Variants in ABCA13 observed in about 807,000 individuals in gnomAD.
ABCA13 encodes the protein ATP-binding cassette sub-family A member 13.
In ABCA13, 476 loss-of-function variants were observed where a neutral mutation model predicts 478.7. That is an observed-to-expected ratio of 0.99 (90% CI 0.92 to 1.07). The LOEUF is 1.07. ABCA13 is among the 50% of genes least tolerant of loss of function. The pLI is 0.00. For missense variants in ABCA13, 6,060 were observed against 5,910.6 expected (o/e 1.03, Z -0.83); for synonymous variants, 2,252 against 2,158.9 (o/e 1.04, Z -1.20).
rs569640517 is a variant in ABCA13 at position 48,261,956 on chromosome 7, G to T, written c.2006-7024G>T. ...CGGGCAGTAAGCCAATCTCCCATAAGATGATTCTCAGTTATTGGCATAGTT... is the reference window on the plus strand; with the variant it reads ...CGGGCAGTAAGCCAATCTCCCATAATATGATTCTCAGTTATTGGCATAGTT... On this transcript the variant is annotated intron_variant, in intron 15 of 61. Coordinates refer to ENST00000435803, the MANE Select transcript of ABCA13 (RefSeq NM_152701.5). 1.2e-3 allele frequency among the ~76,000 whole-genome samples: 189 copies of T among 152,024 alleles called. 1 individual carries two copies. The highest frequency in any genetic ancestry group is 4.5e-3 in the African/African-American group (186 of 41,534).
In ABCA13 at chr7:48,647,158, T is replaced by A. The variant is rs1795480103; in HGVS notation, c.*1646T>A. The A allele has an allele frequency of 6.6e-6, 1 of 152,236 alleles. No individual in the cohort carries two copies. The highest frequency in any genetic ancestry group is 2.4e-5 in the African/African-American group (1 of 41,464). The allele number at this position is 152,236 out of a possible 1,614,324, so 9.4% of individuals were successfully genotyped here. A position where few individuals can be genotyped will look rare whatever the true frequency, so the allele number is the denominator to read the frequency against. On this transcript the variant is annotated 3_prime_UTR_variant, in exon 62 of 62. Transcript: ENST00000435803. Reference sequence around the variant, plus strand: ...GTAGCTTGTGATCAAAGGCATATACTTCCTTATGAGATTTCTTTACTAAAG... The same window carrying A: ...GTAGCTTGTGATCAAAGGCATATACATCCTTATGAGATTTCTTTACTAAAG...
chr7:48,267,431 T>C (rs1174641899), intron 15 of ABCA13, among the ~76,000 whole-genome samples: 1 of 152,150 alleles, frequency 6.6e-6, no homozygotes, highest in Non-Finnish European at 1.5e-5. Context: ...ATCTGAAACC[T>C]ACTTTGTCTG....
intron 48 of ABCA13, among the ~76,000 whole-genome samples, chr7:48,495,316 ATGT>A (rs1409737378): frequency 6.6e-6 from 1 of 152,176 alleles, no homozygotes; most frequent in Non-Finnish European, 1.5e-5. Flanking sequence ...ATTTCAAAAC[ATGT>A]TGTTTAAATT....
intron 41 of ABCA13, among the ~76,000 whole-genome samples, chr7:48,421,430 C>G (rs1424713175): frequency 7.2e-5 from 11 of 152,216 alleles, no homozygotes; most frequent in Non-Finnish European, 1.5e-5. Context: ...AGGAACCACT[C>G]ATAGCATTCT....
chr7:48,475,951 A>T lies in ABCA13; in HGVS notation c.12975+4352A>T, dbSNP rs866814608. The stretch of plus-strand genomic sequence containing the variant: ...ATTTTTAGGGTCTGAGCTCCAGTGG[A>T]TAACAACACTATGACCCAAAACATG... On this transcript the variant is annotated intron_variant, in intron 45 of 61. Coordinates refer to ENST00000435803, the MANE Select transcript of ABCA13 (RefSeq NM_152701.5). Among the ~76,000 whole-genome samples, 40 of 152,332 alleles carry T rather than the reference A, an allele frequency of 2.6e-4. No homozygotes were observed. The Middle Eastern group carries it at 0.01, about 39-fold the overall frequency.
chr7:48,198,455 G>A, intron 3 of ABCA13, 95 bp downstream of exon 3: 2 of 1,403,370 alleles, frequency 1.4e-6, no homozygotes, highest in Non-Finnish European at 9.6e-7. Flanking sequence ...ATTTGGGATA[G>A]GTCAGAGATC....
At position 48,450,167 on chromosome 7, in the gene ABCA13, G is replaced by T. The variant is rs1585375141; in HGVS notation, c.12566-4870G>T. Among the ~76,000 whole-genome samples the T allele has an allele frequency of 2.0e-5, 3 of 152,208 alleles. No individual in the cohort carries two copies. In the South Asian group the frequency reaches 6.2e-4, roughly 32 times the overall value. ...TTTAACTCATTTCACAACCTCTCTT[G>T]AACTGGATTTATTTATAAATAAATG... On this transcript the variant is annotated intron_variant, in intron 42 of 61. Coordinates refer to ENST00000435803, the MANE Select transcript of ABCA13 (RefSeq NM_152701.5).
chr7:48,569,558 T>C (rs1370287531), intron 55 of ABCA13, among the ~76,000 whole-genome samples: 1 of 152,184 alleles, frequency 6.6e-6, no homozygotes, highest in African/African-American at 2.4e-5. Context: ...GGAGTGTTGC[T>C]CTTTCACCCA....
At chr7:48,442,741 C>T (rs1585342358) in intron 42 of ABCA13, among the ~76,000 whole-genome samples, 1 of 152,122 alleles carries the variant, frequency 6.6e-6, no homozygotes. Flanking sequence ...CAGGATGGGG[C>T]CTGAGAACTT....
chr7:48,495,874 A>C (rs2130761944), intron 48 of ABCA13, among the ~76,000 whole-genome samples: 1 of 152,252 alleles, frequency 6.6e-6, no homozygotes, highest in South Asian at 2.1e-4. Context: ...TCACTAGTAA[A>C]TGTAGTTGCT....
intron 29 of ABCA13, among the ~76,000 whole-genome samples, chr7:48,344,240 T>C (rs536774447): frequency 6.6e-6 from 1 of 152,322 alleles, no homozygotes; most frequent in South Asian, 2.1e-4. Flanking sequence ...AGGTAGAGGC[T>C]AGGGGTACTG....
chr7:48,207,321 T>C (rs1281268580), intron 3 of ABCA13, among the ~76,000 whole-genome samples: 1 of 152,074 alleles, frequency 6.6e-6, no homozygotes, highest in Admixed American at 6.6e-5. Context: ...TACACAGCAG[T>C]TGGATTGCTA....
chr7:48,274,128 A>G lies in ABCA13; in HGVS notation c.4462A>G (p.Ile1488Val). 6.2e-7 allele frequency: 1 copy of G among 1,607,016 alleles called. No individual in the cohort carries two copies. The highest frequency in any genetic ancestry group is 8.5e-7 in the Non-Finnish European group (1 of 1,176,428). ...AAAAGAGAAGAAACCTAAATTTGAG[A>G]TTTTATTAGCTCTTTTAAATGATTC... ...FEKEKKPKFE[I>V]LLALLNDSTK... The change falls in exon 17 of 62, where the codon ATT becomes GTT. Residue 1488 changes from isoleucine (I) to valine (V), a missense_variant. Transcript: ENST00000435803.
intron 55 of ABCA13, among the ~76,000 whole-genome samples, chr7:48,529,809 GA>G (rs1339624539): frequency 6.6e-6 from 1 of 151,982 alleles, no homozygotes; most frequent in Non-Finnish European, 1.5e-5. Context: ...ATTCATTTGT[GA>G]AAGTATTTTA....
intron 19 of ABCA13, among the ~76,000 whole-genome samples, chr7:48,283,524 T>C (rs1224593971): frequency 6.6e-6 from 1 of 151,964 alleles, no homozygotes; most frequent in East Asian, 1.9e-4. Flanking sequence ...TCCCAGGGTT[T>C]AGGAAACATA....
chr7:48,236,740 T>C (rs956063367), intron 8 of ABCA13, among the ~76,000 whole-genome samples: 5 of 152,228 alleles, frequency 3.3e-5, no homozygotes, highest in Admixed American at 6.5e-5. Flanking sequence ...CTTAATTTCA[T>C]CTGCAGCCTT....
At chr7:48,324,585 G>A (rs1434384790) in intron 27 of ABCA13, among the ~76,000 whole-genome samples, 1 of 152,174 alleles carries the variant, frequency 6.6e-6, no homozygotes, top group African/African-American at 2.4e-5. Flanking sequence ...TTTGCAGCTG[G>A]TTATGGAATC....
intron 47 of ABCA13, among the ~76,000 whole-genome samples, chr7:48,488,946 G>A (rs943889109): frequency 1.3e-5 from 2 of 152,052 alleles, no homozygotes; most frequent in African/African-American, 4.8e-5. Flanking sequence ...AAAATGATAG[G>A]GTTTGGTTCC....
intron 59 of ABCA13, among the ~76,000 whole-genome samples, chr7:48,623,198 T>A (rs1563519576): frequency 1.3e-5 from 2 of 152,216 alleles, no homozygotes. Context: ...AAAATTTTAA[T>A]ATCTTTTCCA....
Sources: gnomAD v4.1 joint callset for allele counts (sites outside exome capture counted in the v4.1 genomes callset) on GRCh38, gnomAD v4.1.1 for gene constraint, MANE v1.5 for transcripts, NCBI Gene and HGNC (gene_info 2026-07-23, HGNC 2026-07-21) for gene names.